The following TBXAS1 variants were observed in gnomAD, a reference collection of about 807,000 sequenced individuals.
The protein encoded by TBXAS1 is thromboxane A synthase 1, also known as thromboxane-A synthase.
Under a neutral mutation model 60.7 loss-of-function variants are expected in TBXAS1, and 48 were observed. That is an observed-to-expected ratio of 0.79 (90% confidence interval 0.63 to 1.01). TBXAS1 has a LOEUF of 1.01. TBXAS1 is among the 50% of genes least tolerant of loss of function. The pLI is 0.00. For missense variants in TBXAS1, 685 were observed against 686.3 expected, an observed-to-expected ratio of 1.00 and a Z score of 0.02; for synonymous variants, 287 against 269.7, an observed-to-expected ratio of 1.06 and a Z score of -0.63.
At chr7:139,843,383 TC>T (rs1250169805) in intron 1 of TBXAS1, among the ~76,000 whole-genome samples, 4 of 151,964 alleles carry the variant, frequency 2.6e-5, no homozygotes, top group Admixed American at 2.6e-4. Flanking sequence ...CACTCTGTCA[TC>T]CAGGCTGGAG....
intron 4 of TBXAS1, among the ~76,000 whole-genome samples, chr7:139,928,055 T>C (rs1288750025): frequency 3.3e-5 from 5 of 152,218 alleles, no homozygotes; most frequent in African/African-American, 1.2e-4. Context: ...ATAGTGGACA[T>C]AGTTGTCTTG....
intron 6 of TBXAS1, among the ~76,000 whole-genome samples, chr7:139,955,184 G>A (rs1417316470): frequency 2.6e-5 from 4 of 152,150 alleles, no homozygotes; most frequent in Non-Finnish European, 4.4e-5. Context: ...GCTCGAAGGT[G>A]GAAGAGGCTG....
At chr7:139,893,229 C>T (rs750510311) in intron 3 of TBXAS1, among the ~76,000 whole-genome samples, 3 of 151,878 alleles carry the variant, frequency 2.0e-5, no homozygotes, top group East Asian at 1.9e-4. Context: ...TTTCCCAGAC[C>T]GTGTATTCCT....
intron 5 of TBXAS1, among the ~76,000 whole-genome samples, chr7:139,950,653 A>G (rs563040521): frequency 8.9e-4 from 134 of 150,292 alleles, no homozygotes; most frequent in South Asian, 3.8e-3. Context: ...TTTGATCTAC[A>G]GGACTCCCTC....
chr7:139,987,542 G>T (rs773944285), intron 9 of TBXAS1, among the ~76,000 whole-genome samples: 1 of 152,086 alleles, frequency 6.6e-6, no homozygotes, highest in African/African-American at 2.4e-5. Flanking sequence ...GCAGGAGCAC[G>T]CAGGACTAAA....
At chr7:139,951,593 T>TAAA (rs66551791) in intron 5 of TBXAS1, among the ~76,000 whole-genome samples, 15 of 66,308 alleles carry the variant, frequency 2.3e-4, no homozygotes, top group African/African-American at 4.9e-4. Context: ...CCGTCTCTAC[T>TAAA]AAAAAAAAAA....
At chr7:139,895,050 G>A (rs545942320) in intron 3 of TBXAS1, among the ~76,000 whole-genome samples, 2 of 152,310 alleles carry the variant, frequency 1.3e-5, no homozygotes, top group Admixed American at 1.3e-4. Context: ...AGAAGAACAG[G>A]AAACCCAGAA....
intron 4 of TBXAS1, among the ~76,000 whole-genome samples, chr7:139,812,152 C>T (rs1332487564): frequency 6.6e-6 from 1 of 152,164 alleles, no homozygotes; most frequent in Admixed American, 6.6e-5. Flanking sequence ...GGTAAAAGAC[C>T]TCTCTTTTTC....
intron 4 of TBXAS1, among the ~76,000 whole-genome samples, chr7:139,925,120 G>A (rs996394589): frequency 6.6e-6 from 1 of 152,108 alleles, no homozygotes; most frequent in African/African-American, 2.4e-5. Flanking sequence ...TTTTGCTCAG[G>A]ATGGCTTTGG....
chr7:139,896,602 A>T lies in TBXAS1; in HGVS notation c.237-14623A>T, dbSNP rs779947317. 1.3e-5 allele frequency among the ~76,000 whole-genome samples: 2 copies of T among 152,154 alleles called. No individual in the cohort carries two copies. Among genetic ancestry groups the T allele is most frequent in the Non-Finnish European group, 2.9e-5 (2 of 68,014 alleles). ...TAGGAACTGCTTTCAGTTTATGTGTATTATTTCTTCAAATGTCCACTAACT... is the reference window on the plus strand; with the variant it reads ...TAGGAACTGCTTTCAGTTTATGTGTTTTATTTCTTCAAATGTCCACTAACT... On this transcript the variant is annotated intron_variant, in intron 3 of 12. Coordinates refer to ENST00000448866, the MANE Select transcript of TBXAS1 (RefSeq NM_001061.7). The surrounding 1 kb of genome is among the most constrained non-coding windows in gnomAD (Gnocchi z 4.0).
chr7:139,790,405 C>G (rs1797346024), intron 4 of TBXAS1, among the ~76,000 whole-genome samples: 1 of 152,224 alleles, frequency 6.6e-6, no homozygotes, highest in Non-Finnish European at 1.5e-5. Context: ...CTTTCACTTT[C>G]CCAACTGTTG....
At chr7:139,905,053 T>C (rs868380854) in intron 3 of TBXAS1, among the ~76,000 whole-genome samples, 1,114 of 93,132 alleles carry the variant, frequency 0.012, 20 homozygotes, top group African/African-American at 0.056. Flanking sequence ...CTTTCTTTCT[T>C]TCTTTCTCTC....
chr7:139,890,875 A>G (rs1193952235), intron 3 of TBXAS1, among the ~76,000 whole-genome samples: 1 of 151,600 alleles, frequency 6.6e-6, no homozygotes, highest in Non-Finnish European at 1.5e-5. Context: ...CCAATAGTCA[A>G]CCATTCCAAT....
chr7:139,956,521 T>C (rs929237124), intron 7 of TBXAS1, among the ~76,000 whole-genome samples: 1 of 152,248 alleles, frequency 6.6e-6, no homozygotes, highest in Non-Finnish European at 1.5e-5. Context: ...TATAGGAGCA[T>C]TGACGTGTTG....
chr7:139,898,986 C>A lies in TBXAS1; in HGVS notation c.237-12239C>A, dbSNP rs747503575. ...TCTGCCTCTGACAGTCTCGGGGGAC[C>A]AATCCAGTGACAAATTCTCCCTCTC... is the stretch of plus-strand genomic sequence containing the variant. On this transcript the variant is annotated intron_variant, in intron 3 of 12. Coordinates refer to ENST00000448866, the MANE Select transcript of TBXAS1 (RefSeq NM_001061.7). Among the ~76,000 whole-genome samples the A allele has an allele frequency of 1.9e-4, 28 of 151,260 alleles. 1 individual carries two copies. Among genetic ancestry groups the A allele is most frequent in the South Asian group, 6.3e-4 (3 of 4,740 alleles).
At chr7:139,997,225 G>T (rs1303182216) in intron 9 of TBXAS1, among the ~76,000 whole-genome samples, 1 of 152,098 alleles carries the variant, frequency 6.6e-6, no homozygotes, top group Non-Finnish European at 1.5e-5. Flanking sequence ...AGGGAACCAG[G>T]ATCTGTGGGG....
intron 9 of TBXAS1, among the ~76,000 whole-genome samples, chr7:139,986,743 ACATATATATATATG>A (rs1569522734): frequency 6.7e-4 from 22 of 32,980 alleles, no homozygotes; most frequent in African/African-American, 3.0e-3. Flanking sequence ...ATATATACAT[ACATATATATATATG>A]TGTGTGTGTG....
intron 9 of TBXAS1, among the ~76,000 whole-genome samples, chr7:139,965,314 A>G (rs1054361248): frequency 1.3e-5 from 2 of 152,200 alleles, no homozygotes; most frequent in African/African-American, 2.4e-5. Flanking sequence ...AGCAGGTCAA[A>G]TTTTTGAGTT....
intron 4 of TBXAS1, among the ~76,000 whole-genome samples, chr7:139,823,514 C>A (rs1055336079): frequency 6.6e-6 from 1 of 152,064 alleles, no homozygotes; most frequent in Non-Finnish European, 1.5e-5. Flanking sequence ...CAAAGGGCCC[C>A]TAATATCTTT....
Sources: allele counts gnomAD v4.1 joint callset (sites outside exome capture counted in the v4.1 genomes callset), GRCh38; gene constraint gnomAD v4.1.1; non-coding constraint Gnocchi (gnomAD v3.1); transcripts MANE v1.5; gene names NCBI Gene and HGNC (gene_info 2026-07-23, HGNC 2026-07-21).